The following GARIN2 variants were observed in gnomAD, a reference collection of about 807,000 sequenced individuals.
GARIN2 encodes the protein Golgi-associated RAB2 interactor protein 2.
At chr14:67,204,456 A>T in the GARIN2 span, 8 of 1,361,262 alleles carry the variant, frequency 5.9e-6, no homozygotes, top group Admixed American at 3.1e-5. Flanking sequence ...CAAACAAACA[A>T]ATATATATAT....
At chr14:67,208,924 A>G in the GARIN2 span, among the ~76,000 whole-genome samples, 1 of 151,902 alleles carries the variant, frequency 6.6e-6, no homozygotes, top group East Asian at 1.9e-4. Context: ...AGAAAAAAAA[A>G]AGAAGCACGG....
At chr14:67,202,179 G>A in the GARIN2 span, among the ~76,000 whole-genome samples, 2 of 152,312 alleles carry the variant, frequency 1.3e-5, no homozygotes, top group East Asian at 1.9e-4. Context: ...AGCGGCTCAC[G>A]CCTGTAATCC....
chr14:67,196,469 G>C, the GARIN2 span, among the ~76,000 whole-genome samples: 1 of 152,122 alleles, frequency 6.6e-6, no homozygotes, highest in African/African-American at 2.4e-5. Context: ...TGATCTGCCC[G>C]CCTTGGCCTC....
At chr14:67,223,822 C>A in the GARIN2 span, 15 of 985,798 alleles carry the variant, frequency 1.5e-5, no homozygotes, top group Non-Finnish European at 1.8e-5. Flanking sequence ...CTCTAAATCA[C>A]CTGTTCCCCT....
At chr14:67,202,307 G>A in the GARIN2 span, among the ~76,000 whole-genome samples, 53 of 152,236 alleles carry the variant, frequency 3.5e-4, 2 homozygotes, top group South Asian at 0.011. Context: ...CGGGCTTGGT[G>A]GCATGTGCCT....
chr14:67,208,432 C>T, the GARIN2 span: 1 of 1,613,598 alleles, frequency 6.2e-7, no homozygotes, highest in Admixed American at 1.7e-5. Context: ...GCACAGCTCT[C>T]AAGGCTGAAG....
chr14:67,197,467 C>A, the GARIN2 span: 3 of 152,162 alleles, frequency 2.0e-5, no homozygotes, highest in African/African-American at 7.2e-5. Flanking sequence ...ACTTACTTTA[C>A]TTTCCAAGAT....
chr14:67,226,113 T>C, the GARIN2 span, among the ~76,000 whole-genome samples: 1 of 152,244 alleles, frequency 6.6e-6, no homozygotes, highest in Non-Finnish European at 1.5e-5. Flanking sequence ...GTGCTCACTC[T>C]TCTGTCCACC....
the GARIN2 span, among the ~76,000 whole-genome samples, chr14:67,212,599 AT>A: frequency 0.21 from 29,240 of 136,852 alleles, 3,449 homozygotes; most frequent in African/African-American, 0.24. Flanking sequence ...GAAAAAAAAA[AT>A]ATATATATAT....
the GARIN2 span, chr14:67,200,136 A>G: frequency 9.0e-6 from 10 of 1,111,894 alleles, no homozygotes; most frequent in Non-Finnish European, 1.3e-5. Flanking sequence ...CTCCATTCTG[A>G]TCTCCCATGG....
chr14:67,208,925 A>AG, the GARIN2 span, among the ~76,000 whole-genome samples: 1 of 151,890 alleles, frequency 6.6e-6, no homozygotes, highest in Non-Finnish European at 1.5e-5. Flanking sequence ...GAAAAAAAAA[A>AG]GAAGCACGGA....
the GARIN2 span, chr14:67,204,498 T>G: frequency 6.4e-7 from 1 of 1,573,640 alleles, no homozygotes; most frequent in Non-Finnish European, 8.6e-7. Context: ...AAGCCTCCCA[T>G]CAGGTCTCCA....
the GARIN2 span, among the ~76,000 whole-genome samples, chr14:67,220,659 A>G: frequency 6.6e-6 from 1 of 152,194 alleles, no homozygotes; most frequent in Non-Finnish European, 1.5e-5. Context: ...TAGTCCTACC[A>G]TGGCTCTTTC....
At chr14:67,204,680 T>C in the GARIN2 span, 1 of 1,613,962 alleles carries the variant, frequency 6.2e-7, no homozygotes, top group East Asian at 2.2e-5. Context: ...TCTCAATGGG[T>C]GGCCCTCATC....
chr14:67,208,325 T>C, the GARIN2 span: 3 of 1,613,866 alleles, frequency 1.9e-6, no homozygotes, highest in African/African-American at 4.0e-5. Flanking sequence ...AGGTAAAAGA[T>C]ATTTTCAAAC....
chr14:67,203,406 C>G, the GARIN2 span: 2 of 814,078 alleles, frequency 2.5e-6, no homozygotes, highest in Non-Finnish European at 3.7e-6. Context: ...GTTACTCGCA[C>G]TCCCTGCTGC....
At chr14:67,197,399 A>C in the GARIN2 span, 1 of 152,180 alleles carries the variant, frequency 6.6e-6, no homozygotes, top group African/African-American at 2.4e-5. Context: ...TGTGGGCTGC[A>C]TGGCCACATC....
the GARIN2 span, among the ~76,000 whole-genome samples, chr14:67,225,743 T>G: frequency 6.6e-6 from 1 of 152,198 alleles, no homozygotes; most frequent in Non-Finnish European, 1.5e-5. Context: ...CACAGCTGTA[T>G]AGGGTGGCCC....
chr14:67,220,904 G>A, the GARIN2 span, among the ~76,000 whole-genome samples: 1 of 152,142 alleles, frequency 6.6e-6, no homozygotes, highest in African/African-American at 2.4e-5. Context: ...CCCTTAAAAT[G>A]GACCACAATT....
Sources: allele counts gnomAD v4.1 joint callset (sites outside exome capture counted in the v4.1 genomes callset), GRCh38; gene constraint gnomAD v4.1.1; transcripts MANE v1.5; gene names NCBI Gene and HGNC (gene_info 2026-07-23, HGNC 2026-07-21).